Variants in NFYC observed in about 807,000 individuals in gnomAD.
NFYC encodes CAAT box DNA-binding protein subunit C.
A neutral mutation model predicts 53.1 loss-of-function variants in NFYC; 25 were observed. The observed-to-expected ratio is 0.47, with a 90% CI of 0.34 to 0.66. The LOEUF is 0.66. Among genes scored for constraint, NFYC ranks in the 30% least tolerant of loss-of-function variants. NFYC has a pLI of 0.01. For synonymous variants in NFYC, 145 were observed against 152.6 expected (o/e 0.95, Z 0.37); for missense variants, 260 against 422.7 (o/e 0.62, Z 3.38).
intron 1 of NFYC, among the ~76,000 whole-genome samples, chr1:40,726,697 G>A (rs565634302): frequency 2.0e-4 from 30 of 152,316 alleles, no homozygotes; most frequent in African/African-American, 6.5e-4. Context: ...GATTACTGGC[G>A]TGAGCCACTG....
chr1:40,741,166 C>G (rs1645322188), intron 2 of NFYC, among the ~76,000 whole-genome samples: 1 of 152,074 alleles, frequency 6.6e-6, no homozygotes, highest in Non-Finnish European at 1.5e-5. Context: ...CCCCTACTTA[C>G]AATGATTCAA....
At chr1:40,696,155 C>T (rs1041992643) in intron 1 of NFYC, among the ~76,000 whole-genome samples, 2 of 151,646 alleles carry the variant, frequency 1.3e-5, no homozygotes, top group Non-Finnish European at 2.9e-5. Context: ...TCCTGAGTAG[C>T]TGGGATTATA....
At chr1:40,727,913 C>T (rs891779031) in intron 1 of NFYC, among the ~76,000 whole-genome samples, 1 of 151,952 alleles carries the variant, frequency 6.6e-6, no homozygotes, top group Admixed American at 6.6e-5. Flanking sequence ...TCTGAGGAAT[C>T]CCTGTCTATG....
At chr1:40,723,801 C>G (rs943021693) in intron 1 of NFYC, 8 of 152,034 alleles carry the variant, frequency 5.3e-5, no homozygotes, top group African/African-American at 9.7e-5. Context: ...TCGTGAGTAG[C>G]TGGGACTACA....
At chr1:40,711,384 CA>C (rs1411880902) in intron 1 of NFYC, among the ~76,000 whole-genome samples, 8 of 151,908 alleles carry the variant, frequency 5.3e-5, no homozygotes, top group African/African-American at 1.9e-4. Context: ...TCAGTTGTTC[CA>C]GATTATATAT....
chr1:40,762,073 A>T (rs2148767088), intron 6 of NFYC, among the ~76,000 whole-genome samples: 1 of 152,328 alleles, frequency 6.6e-6, no homozygotes, highest in Middle Eastern at 3.4e-3. Context: ...CCGTCTCAAA[A>T]GAGTACATTT....
chr1:40,769,461 G>A (rs1178900693), intron 9 of NFYC, 46 bp downstream of exon 9: 2 of 1,548,754 alleles, frequency 1.3e-6, no homozygotes, highest in South Asian at 1.1e-5. Flanking sequence ...GATTTGCGGG[G>A]CAGGGTAGCA....
intron 6 of NFYC, among the ~76,000 whole-genome samples, chr1:40,761,643 A>G (rs1006614623): frequency 3.3e-5 from 5 of 152,208 alleles, no homozygotes; most frequent in Non-Finnish European, 5.9e-5. Flanking sequence ...TCCAGTTTAT[A>G]GTAATTTCTC....
In NFYC at chr1:40,738,964, A is replaced by G. The variant is rs1645197091; in HGVS notation, c.105+16A>G. 1.9e-6 allele frequency: 3 copies of G among 1,563,680 alleles called. No homozygotes were observed. Among genetic ancestry groups the G allele is most frequent in the East Asian group, 4.5e-5 (2 of 44,682 alleles). ...TTTAACAGTGGTGAGGAAGAATGAGAAACTTTTATTAGAAACTTTTAAAGA... is the reference window on the plus strand; with the variant it reads ...TTTAACAGTGGTGAGGAAGAATGAGGAACTTTTATTAGAAACTTTTAAAGA... On this transcript the variant is annotated intron_variant, in intron 2 of 9. Transcript: ENST00000447388.
intron 2 of NFYC, among the ~76,000 whole-genome samples, chr1:40,744,832 T>C (rs921630812): frequency 3.9e-5 from 6 of 152,340 alleles, no homozygotes; most frequent in African/African-American, 1.4e-4. Flanking sequence ...CCAAGTTTCG[T>C]GGGCCTCAAT....
chr1:40,726,808 T>C (rs1644539430), intron 1 of NFYC, among the ~76,000 whole-genome samples: 1 of 152,264 alleles, frequency 6.6e-6, no homozygotes. Context: ...CTTTTCTGTT[T>C]GATAGCATTT....
chr1:40,756,390 C>T (rs1182731224), intron 5 of NFYC, among the ~76,000 whole-genome samples: 1 of 152,192 alleles, frequency 6.6e-6, no homozygotes, highest in Non-Finnish European at 1.5e-5. Flanking sequence ...CTATTTGTGT[C>T]TGAAGCACAG....
intron 4 of NFYC, among the ~76,000 whole-genome samples, chr1:40,752,782 G>A (rs6700177): frequency 0.29 from 43,846 of 151,592 alleles, 7,597 homozygotes; most frequent in East Asian, 0.42. Context: ...TATTATTTAG[G>A]GCCTTAAAAA....
At chr1:40,726,739 G>T (rs1433594208) in intron 1 of NFYC, among the ~76,000 whole-genome samples, 1 of 152,210 alleles carries the variant, frequency 6.6e-6, no homozygotes, top group African/African-American at 2.4e-5. Context: ...AAATAAGGCA[G>T]CAGTGAAGTT....
At chr1:40,757,458 G>A (rs1022104543) in intron 5 of NFYC, 4 of 447,334 alleles carry the variant, frequency 8.9e-6, no homozygotes, top group Admixed American at 2.4e-5. Flanking sequence ...GTACCCCAGC[G>A]GAGAGCTGTC....
At chr1:40,708,672 G>C (rs1044307414) in intron 1 of NFYC, among the ~76,000 whole-genome samples, 1 of 152,186 alleles carries the variant, frequency 6.6e-6, no homozygotes, top group Non-Finnish European at 1.5e-5. Context: ...ATACCAGTCT[G>C]TGCCTTTAAA....
intron 5 of NFYC, chr1:40,754,210 T>C: frequency 2.0e-6 from 1 of 512,646 alleles, no homozygotes; most frequent in Admixed American, 2.1e-5. Flanking sequence ...CCTGTATTAA[T>C]AACCAGTCAG....
chr1:40,756,165 A>G (rs565864732), intron 5 of NFYC, among the ~76,000 whole-genome samples: 21 of 152,360 alleles, frequency 1.4e-4, no homozygotes, highest in Middle Eastern at 3.4e-3. Context: ...ACCTACTTCA[A>G]TAGCTTTGCA....
chr1:40,752,159 C>A (rs1413025892), intron 4 of NFYC, among the ~76,000 whole-genome samples: 1 of 152,162 alleles, frequency 6.6e-6, no homozygotes, highest in Admixed American at 6.5e-5. Context: ...CAGTGAATAC[C>A]TGTATACTTA....
Sources: gnomAD v4.1 joint callset for allele counts (sites outside exome capture counted in the v4.1 genomes callset) on GRCh38, gnomAD v4.1.1 for gene constraint, MANE v1.5 for transcripts, NCBI Gene and HGNC (gene_info 2026-07-23, HGNC 2026-07-21) for gene names.